Variants in GPC5 observed in about 807,000 individuals in gnomAD.
GPC5 encodes the protein glypican 5.
GPC5 carries 47 observed loss-of-function variants against 53.9 expected under a neutral mutation model. That is an observed-to-expected ratio of 0.87 (90% CI 0.69 to 1.11). The LOEUF is 1.11. Ranked by LOEUF, GPC5 falls within the 50% of genes most tolerant of loss-of-function variation. The pLI, the probability that GPC5 is intolerant of heterozygous loss-of-function variation, is 0.00. For synonymous variants in GPC5, 286 were observed against 263.3 expected, an observed-to-expected ratio of 1.09 and a Z score of -0.84; for missense variants, 748 against 713.1, an observed-to-expected ratio of 1.05 and a Z score of -0.56.
intron 7 of GPC5, among the ~76,000 whole-genome samples, chr13:92,860,670 A>C (rs1326108): frequency 2.2e-4 from 33 of 151,916 alleles, no homozygotes; most frequent in Non-Finnish European, 3.2e-4. Context: ...TAACAGTTTA[A>C]ATTTAACATA....
intron 7 of GPC5, among the ~76,000 whole-genome samples, chr13:92,574,785 T>C (rs1203399734): frequency 2.6e-5 from 4 of 152,160 alleles, no homozygotes; most frequent in African/African-American, 7.2e-5. Flanking sequence ...AGAATCATAA[T>C]AAATCAAAGG....
chr13:91,904,428 C>T (rs991827757), intron 5 of GPC5, among the ~76,000 whole-genome samples: 8 of 151,892 alleles, frequency 5.3e-5, no homozygotes, highest in Non-Finnish European at 1.0e-4. Context: ...AAAAAAATAA[C>T]ATTTTGCACC....
At chr13:92,423,002 G>A (rs772908238) in intron 7 of GPC5, among the ~76,000 whole-genome samples, 4 of 152,132 alleles carry the variant, frequency 2.6e-5, no homozygotes, top group South Asian at 2.1e-4. Flanking sequence ...TTTATTTCTC[G>A]CAGTTCTGAA....
At chr13:91,770,853 T>C (rs2037612123) in intron 5 of GPC5, among the ~76,000 whole-genome samples, 1 of 152,050 alleles carries the variant, frequency 6.6e-6, no homozygotes, top group African/African-American at 2.4e-5. Flanking sequence ...TTATTTCAAA[T>C]TGGCCAATTT....
intron 7 of GPC5, among the ~76,000 whole-genome samples, chr13:92,815,409 G>GT (rs1221829430): frequency 1.3e-5 from 2 of 152,118 alleles, no homozygotes; most frequent in South Asian, 2.1e-4. Context: ...AGGCAAGAAA[G>GT]TTTTTTGTAT....
intron 7 of GPC5, among the ~76,000 whole-genome samples, chr13:92,570,470 C>T (rs1333235010): frequency 1.3e-5 from 2 of 151,928 alleles, no homozygotes; most frequent in East Asian, 1.9e-4. Context: ...GTTTGGCTTC[C>T]TCCAAAATAT....
At chr13:92,018,949 G>A (rs1238518661) in intron 6 of GPC5, among the ~76,000 whole-genome samples, 2 of 151,832 alleles carry the variant, frequency 1.3e-5, no homozygotes, top group African/African-American at 2.4e-5. Flanking sequence ...GCACACTAAC[G>A]GTTTCATTAG....
chr13:92,387,619 T>G lies in GPC5; in HGVS notation c.1561+242630T>G, dbSNP rs184600633. On this transcript the variant is annotated intron_variant, in intron 7 of 7. Coordinates refer to ENST00000377067, the MANE Select transcript of GPC5 (RefSeq NM_004466.6). The stretch of plus-strand genomic sequence containing the variant: ...CTATTATTGTATACAGAGTTACCTG[T>G]GTGTGGGAATATATGATGTTTCTAG... Among the ~76,000 whole-genome samples, 23 of 152,186 alleles carry G rather than the reference T, an allele frequency of 1.5e-4. No homozygotes were observed. In the East Asian group the frequency reaches 4.4e-3, roughly 29 times the overall value.
intron 7 of GPC5, among the ~76,000 whole-genome samples, chr13:92,169,239 A>AT (rs1423315144): frequency 6.6e-6 from 1 of 152,206 alleles, no homozygotes; most frequent in Non-Finnish European, 1.5e-5. Flanking sequence ...GCTGGGCTTA[A>AT]TACGTAGGTG....
chr13:91,788,064 A>C (rs2037905680), intron 5 of GPC5, among the ~76,000 whole-genome samples: 1 of 152,196 alleles, frequency 6.6e-6, no homozygotes, highest in African/African-American at 2.4e-5. Context: ...ATAAAAATTC[A>C]TACTTGAGAC....
At chr13:92,155,213 A>G (rs2041935049) in intron 7 of GPC5, among the ~76,000 whole-genome samples, 1 of 152,160 alleles carries the variant, frequency 6.6e-6, no homozygotes, top group Admixed American at 6.5e-5. Flanking sequence ...AATTTTGTTC[A>G]ATACAAAAAT....
intron 7 of GPC5, among the ~76,000 whole-genome samples, chr13:92,749,778 C>A (rs908956873): frequency 3.3e-5 from 5 of 152,058 alleles, no homozygotes; most frequent in African/African-American, 7.2e-5. Context: ...AGTTCATAGA[C>A]CCGCTAATTT....
At chr13:92,551,145 T>C (rs1024934948) in intron 7 of GPC5, among the ~76,000 whole-genome samples, 1 of 151,882 alleles carries the variant, frequency 6.6e-6, no homozygotes, top group Non-Finnish European at 1.5e-5. Context: ...GAAACAGAGA[T>C]AATTTCTTTA....
At chr13:92,358,168 G>T (rs981015988) in intron 7 of GPC5, among the ~76,000 whole-genome samples, 6 of 151,706 alleles carry the variant, frequency 4.0e-5, no homozygotes, top group Non-Finnish European at 8.8e-5. Context: ...CATAACAATT[G>T]GCTACAGGCT....
At chr13:92,190,040 A>G (rs2042212758) in intron 7 of GPC5, among the ~76,000 whole-genome samples, 1 of 152,198 alleles carries the variant, frequency 6.6e-6, no homozygotes, top group South Asian at 2.1e-4. Flanking sequence ...TTAAAAAACT[A>G]CCCCTAGGCA....
At chr13:92,423,044 C>T (rs1340271685) in intron 7 of GPC5, among the ~76,000 whole-genome samples, 1 of 152,210 alleles carries the variant, frequency 6.6e-6, no homozygotes, top group African/African-American at 2.4e-5. Flanking sequence ...GGTGCCAGTA[C>T]ATTGAGTGTA....
In GPC5 at chr13:92,054,149, GGTGTGTGTGTGTGTGT is replaced by G. The variant is rs141324926; in HGVS notation, c.1402-90660_1402-90645del. On this transcript the variant is annotated intron_variant, in intron 6 of 7. Coordinates refer to ENST00000377067, the MANE Select transcript of GPC5 (RefSeq NM_004466.6). ...TAAATATAATAAATTACTTTGGAGG[GGTGTGTGTGTGTGTGT>G]GTGTGTGTGTGTGTGTGTGTAGGCT... Among the ~76,000 whole-genome samples, 56 of 146,042 alleles carry G rather than the reference GGTGTGTGTGTGTGTGT, an allele frequency of 3.8e-4. 1 individual carries two copies. Among genetic ancestry groups the G allele is most frequent in the African/African-American group, 1.3e-3 (50 of 39,780 alleles).
intron 7 of GPC5, among the ~76,000 whole-genome samples, chr13:92,460,571 A>G (rs1280695869): frequency 1.3e-5 from 2 of 152,182 alleles, no homozygotes; most frequent in Non-Finnish European, 2.9e-5. Context: ...CTTATATCAC[A>G]TTCAAGGGGC....
chr13:91,773,070 T>C (rs762833551), intron 5 of GPC5, among the ~76,000 whole-genome samples: 1 of 152,202 alleles, frequency 6.6e-6, no homozygotes, highest in Non-Finnish European at 1.5e-5. Flanking sequence ...ATTCGGTATC[T>C]AATGGGATTC....
Sources: allele counts gnomAD v4.1 joint callset (sites outside exome capture counted in the v4.1 genomes callset), GRCh38; gene constraint gnomAD v4.1.1; transcripts MANE v1.5; gene names NCBI Gene and HGNC (gene_info 2026-07-23, HGNC 2026-07-21).